The following GALNT1 variants were observed in gnomAD, a reference collection of about 807,000 sequenced individuals.
The protein encoded by GALNT1 is GalNAc transferase 1.
In GALNT1, 17 loss-of-function variants were observed where a neutral mutation model predicts 65.7. That is an observed-to-expected ratio of 0.26 (90% CI 0.18 to 0.39). The LOEUF is 0.39. Ranked by LOEUF, GALNT1 falls within the 10% of genes least tolerant of loss-of-function variation. GALNT1 has a pLI of 1.00. For synonymous variants in GALNT1, 210 were observed against 219.7 expected, an observed-to-expected ratio of 0.96 and a Z score of 0.39; for missense variants, 460 against 672.8, an observed-to-expected ratio of 0.68 and a Z score of 3.50.
At chr18:35,675,196 A>T (rs2047693372) in intron 3 of GALNT1, among the ~76,000 whole-genome samples, 2 of 152,118 alleles carry the variant, frequency 1.3e-5, no homozygotes, top group Non-Finnish European at 2.9e-5. Context: ...AAGCTTAGCT[A>T]GAATGCTAAA....
intron 1 of GALNT1, among the ~76,000 whole-genome samples, chr18:35,594,044 C>T (rs1240629168): frequency 6.9e-6 from 1 of 144,416 alleles, no homozygotes; most frequent in African/African-American, 2.6e-5. Context: ...AGTGCAATGT[C>T]CTGATTTTGG....
chr18:35,628,231 G>C (rs2046946735), intron 1 of GALNT1, among the ~76,000 whole-genome samples: 1 of 152,168 alleles, frequency 6.6e-6, no homozygotes, highest in African/African-American at 2.4e-5. Context: ...GTTTCTCCCA[G>C]CATGGAGTTT....
rs1018034984 is a variant in GALNT1, at chr18:35,710,427, A to G, written c.*657A>G. On this transcript the variant is annotated 3_prime_UTR_variant, in exon 12 of 12. Transcript: ENST00000269195. Reference sequence around the variant, plus strand: ...GACATTCATTTTGTTTTCATCTGTGATAGTCATGGATGCTTTTATTTTCCT... The same window carrying G: ...GACATTCATTTTGTTTTCATCTGTGGTAGTCATGGATGCTTTTATTTTCCT... 1.3e-5 allele frequency: 2 copies of G among 152,462 alleles called. No individual in the cohort carries two copies. Among genetic ancestry groups the G allele is most frequent in the Non-Finnish European group, 1.5e-5 (1 of 68,006 alleles). 9.4% of individuals were successfully genotyped at this position (152,462 alleles called of 1,614,324 possible).
intron 1 of GALNT1, among the ~76,000 whole-genome samples, chr18:35,621,539 A>AGG (rs879480361): frequency 0.037 from 5,003 of 135,094 alleles, 200 homozygotes; most frequent in African/African-American, 0.068. Context: ...TCTGATACTA[A>AGG]TCTTTTGTTC....
intron 1 of GALNT1, among the ~76,000 whole-genome samples, chr18:35,610,109 C>A (rs1390326123): frequency 6.6e-6 from 1 of 152,150 alleles, no homozygotes; most frequent in Non-Finnish European, 1.5e-5. Context: ...GAGAAAGCAA[C>A]ACCTGTGCAG....
chr18:35,582,022 G>A (rs2046328150), intron 1 of GALNT1, among the ~76,000 whole-genome samples, 160 bp downstream of exon 1: 1 of 151,990 alleles, frequency 6.6e-6, no homozygotes, highest in African/African-American at 2.4e-5. Context: ...GTTCGGGTCT[G>A]GGACCCCGGT....
rs113836549 is a variant in GALNT1, at chr18:35,672,780, A to T, written c.315-4811A>T. Reference sequence around the variant, plus strand: ...TCATCTAGTAAGCCAAATCCATCCTATATAGTTAGTCTTAGATATTTAAAA... The same window carrying T: ...TCATCTAGTAAGCCAAATCCATCCTTTATAGTTAGTCTTAGATATTTAAAA... On this transcript the variant is annotated intron_variant, in intron 3 of 11. Transcript: ENST00000269195. Among the ~76,000 whole-genome samples the T allele has an allele frequency of 6.4e-3, 964 of 151,790 alleles. 16 individuals are homozygous for T. The highest frequency in any genetic ancestry group is 0.022 in the African/African-American group (915 of 41,348).
At chr18:35,671,797 T>A (rs1049115003) in intron 3 of GALNT1, among the ~76,000 whole-genome samples, 1 of 151,180 alleles carries the variant, frequency 6.6e-6, no homozygotes, top group Non-Finnish European at 1.5e-5. Flanking sequence ...AGGTGTAGAT[T>A]TATCTTTATG....
At chr18:35,592,683 G>A (rs1007134504) in intron 1 of GALNT1, among the ~76,000 whole-genome samples, 1 of 152,138 alleles carries the variant, frequency 6.6e-6, no homozygotes, top group African/African-American at 2.4e-5. Flanking sequence ...GAGAGGGTGG[G>A]ATGGGTAAAG....
At chr18:35,702,739 C>G (rs931021793) in intron 9 of GALNT1, 158 bp from the exon 10 acceptor site, 9 of 426,318 alleles carry the variant, frequency 2.1e-5, no homozygotes, top group African/African-American at 1.6e-4. Flanking sequence ...CTTTCTAGAC[C>G]AATGAATTTT....
chr18:35,602,729 T>C (rs1185199648), intron 1 of GALNT1, among the ~76,000 whole-genome samples: 1 of 152,194 alleles, frequency 6.6e-6, no homozygotes, highest in Admixed American at 6.5e-5. Context: ...CTTTGGTAAA[T>C]TTTTCTGATA....
chr18:35,595,624 A>G (rs907896824), intron 1 of GALNT1, among the ~76,000 whole-genome samples: 3 of 152,206 alleles, frequency 2.0e-5, no homozygotes, highest in Non-Finnish European at 4.4e-5. Context: ...ACCTGATGTT[A>G]ACATGTTTTT....
At chr18:35,604,137 T>C (rs2046616255) in intron 1 of GALNT1, among the ~76,000 whole-genome samples, 1 of 152,160 alleles carries the variant, frequency 6.6e-6, no homozygotes, top group Admixed American at 6.5e-5. Flanking sequence ...TGTCCATGTG[T>C]ACTCAATGTT....
At chr18:35,651,265 A>G (rs1008349103) in intron 1 of GALNT1, among the ~76,000 whole-genome samples, 2 of 152,210 alleles carry the variant, frequency 1.3e-5, no homozygotes, top group Admixed American at 1.3e-4. Flanking sequence ...AATGGCTATC[A>G]TGAACCTAAA....
At chr18:35,624,202 T>C (rs1028704958) in intron 1 of GALNT1, among the ~76,000 whole-genome samples, 15 of 152,220 alleles carry the variant, frequency 9.9e-5, no homozygotes, top group Non-Finnish European at 2.2e-4. Context: ...GAAGTTTACA[T>C]AGATATTTTA....
chr18:35,688,635 T>TAAAG (rs1442754189), intron 6 of GALNT1, among the ~76,000 whole-genome samples: 9 of 152,136 alleles, frequency 5.9e-5, no homozygotes, highest in South Asian at 2.1e-4. Flanking sequence ...CTCCTCTCCT[T>TAAAG]AAAGATTTCT....
chr18:35,669,321 A>G (rs1012275178), intron 3 of GALNT1, among the ~76,000 whole-genome samples: 2 of 152,258 alleles, frequency 1.3e-5, no homozygotes, highest in South Asian at 2.1e-4. Flanking sequence ...GGCTTTGCCA[A>G]TGAAAATGAA....
chr18:35,660,212 C>T (rs2047457444), intron 2 of GALNT1, among the ~76,000 whole-genome samples: 1 of 135,734 alleles, frequency 7.4e-6, no homozygotes, highest in East Asian at 2.0e-4. Flanking sequence ...GTATATTTAC[C>T]CCAAAAAGAA....
chr18:35,581,312 G>T (rs1255981602), upstream of GALNT1: 2 of 151,324 alleles, frequency 1.3e-5, no homozygotes, highest in African/African-American at 2.4e-5. Context: ...CCGTGTGAGC[G>T]GGGGCCGGGA....
Sources: allele counts gnomAD v4.1 joint callset (sites outside exome capture counted in the v4.1 genomes callset), GRCh38; gene constraint gnomAD v4.1.1; transcripts MANE v1.5; gene names NCBI Gene and HGNC (gene_info 2026-07-23, HGNC 2026-07-21).